The following UNC5D variants were observed in gnomAD, a reference collection of about 807,000 sequenced individuals.
UNC5D encodes the protein unc-5 netrin receptor D.
In UNC5D, 39 loss-of-function variants were observed where a neutral mutation model predicts 105.4. The observed-to-expected ratio is 0.37, with a 90% CI of 0.29 to 0.48. The LOEUF (loss-of-function observed/expected upper bound fraction) is 0.48. UNC5D is among the 20% of genes least tolerant of loss of function. UNC5D has a pLI of 0.98. For synonymous variants in UNC5D, 452 were observed against 450.4 expected (o/e 1.00, Z -0.04); for missense variants, 991 against 1,202.4 (o/e 0.82, Z 2.60).
At chr8:35,640,928 C>G (rs1449695275) in intron 4 of UNC5D, among the ~76,000 whole-genome samples, 1 of 150,948 alleles carries the variant, frequency 6.6e-6, no homozygotes, top group African/African-American at 2.4e-5. Context: ...TCCTCCTCTC[C>G]TCTCTCTCTC....
At chr8:35,483,496 C>G (rs185859356) in intron 1 of UNC5D, among the ~76,000 whole-genome samples, 64 of 152,252 alleles carry the variant, frequency 4.2e-4, no homozygotes, top group African/African-American at 1.5e-3. Flanking sequence ...CTGAAGCATA[C>G]TATAGATTAG....
At chr8:35,238,025 GGATTAGCCCTA>G (rs2128798332) in intron 1 of UNC5D, among the ~76,000 whole-genome samples, 1 of 152,238 alleles carries the variant, frequency 6.6e-6, no homozygotes, top group African/African-American at 2.4e-5. Context: ...ATACTCTCTA[GGATTAGCCCTA>G]GGTTGTTCTT....
At chr8:35,319,076 C>A (rs935707607) in intron 1 of UNC5D, among the ~76,000 whole-genome samples, 50 of 152,206 alleles carry the variant, frequency 3.3e-4, no homozygotes, top group African/African-American at 1.1e-3. Context: ...AACATTCATA[C>A]CCATATGTTG....
chr8:35,384,894 A>G (rs2128935394), intron 1 of UNC5D, among the ~76,000 whole-genome samples: 1 of 152,316 alleles, frequency 6.6e-6, no homozygotes, highest in East Asian at 1.9e-4. Context: ...TTGTGGGACT[A>G]AACTTTGGAA....
intron 1 of UNC5D, among the ~76,000 whole-genome samples, chr8:35,283,769 A>G (rs1806377636): frequency 6.7e-6 from 1 of 149,652 alleles, no homozygotes; most frequent in African/African-American, 2.5e-5. Flanking sequence ...GCGCCACTAC[A>G]CTCCAACCTA....
At chr8:35,719,635 G>A (rs1046330022) in intron 8 of UNC5D, among the ~76,000 whole-genome samples, 10 of 152,186 alleles carry the variant, frequency 6.6e-5, no homozygotes, top group Admixed American at 1.3e-4. Context: ...TAGGAGCCAC[G>A]TGTTAATTCA....
intron 1 of UNC5D, among the ~76,000 whole-genome samples, chr8:35,388,606 A>G (rs898993782): frequency 2.6e-5 from 4 of 152,216 alleles, no homozygotes; most frequent in Non-Finnish European, 4.4e-5. Context: ...AGTACATAGT[A>G]TGGTTGTAGA....
intron 1 of UNC5D, among the ~76,000 whole-genome samples, chr8:35,535,405 G>A (rs1260369310): frequency 2.0e-5 from 3 of 151,082 alleles, no homozygotes; most frequent in Non-Finnish European, 4.4e-5. Context: ...GCTCAGATAT[G>A]TAATAGGCTT....
At chr8:35,775,583 A>G (rs939671511) in intron 16 of UNC5D, among the ~76,000 whole-genome samples, 2 of 151,348 alleles carry the variant, frequency 1.3e-5, no homozygotes, top group Admixed American at 6.6e-5. Context: ...GAACCATTTT[A>G]TTTCTCTTTC....
At chr8:35,636,303 A>G (rs2131104476) in intron 4 of UNC5D, among the ~76,000 whole-genome samples, 1 of 152,212 alleles carries the variant, frequency 6.6e-6, no homozygotes, top group East Asian at 1.9e-4. Flanking sequence ...ATGGCCTAAA[A>G]TTAAACAACA....
At chr8:35,708,494 A>G (rs1276236009) in intron 8 of UNC5D, among the ~76,000 whole-genome samples, 1 of 152,222 alleles carries the variant, frequency 6.6e-6, no homozygotes, top group Non-Finnish European at 1.5e-5. Context: ...GCTTTCAATA[A>G]ATGTTGTGTA....
At chr8:35,597,508 A>G (rs1321923724) in intron 4 of UNC5D, among the ~76,000 whole-genome samples, 1 of 152,140 alleles carries the variant, frequency 6.6e-6, no homozygotes, top group Non-Finnish European at 1.5e-5. Context: ...ATCCCAGTTT[A>G]CAAATGTTTT....
chr8:35,420,133 G>A (rs1258499962), intron 1 of UNC5D, among the ~76,000 whole-genome samples: 1 of 152,180 alleles, frequency 6.6e-6, no homozygotes, highest in Non-Finnish European at 1.5e-5. Flanking sequence ...TTTCACCAGG[G>A]ACCTGTGCCT....
At chr8:35,571,099 C>T (rs796153859) in intron 3 of UNC5D, among the ~76,000 whole-genome samples, 6 of 152,230 alleles carry the variant, frequency 3.9e-5, no homozygotes, top group African/African-American at 1.4e-4. Context: ...AGTTTTTTCT[C>T]CTCAGCCTCC....
intron 1 of UNC5D, among the ~76,000 whole-genome samples, chr8:35,268,795 G>A (rs542608601): frequency 7.4e-4 from 113 of 152,164 alleles, no homozygotes; most frequent in African/African-American, 2.5e-3. Context: ...CTGCCTTAAG[G>A]ATGAGGAATA....
intron 1 of UNC5D, among the ~76,000 whole-genome samples, chr8:35,452,848 C>A (rs1205154310): frequency 6.6e-6 from 1 of 152,166 alleles, no homozygotes; most frequent in African/African-American, 2.4e-5. Flanking sequence ...AGATAACAGA[C>A]TTACGGTCTC....
At chr8:35,628,803 T>C (rs1485360376) in intron 4 of UNC5D, among the ~76,000 whole-genome samples, 2 of 152,218 alleles carry the variant, frequency 1.3e-5, no homozygotes, top group African/African-American at 4.8e-5. Context: ...CTCTCAGTGA[T>C]ACACTAATTA....
At chr8:35,530,096 G>A (rs1426512673) in intron 1 of UNC5D, among the ~76,000 whole-genome samples, 10 of 151,958 alleles carry the variant, frequency 6.6e-5, no homozygotes, top group Non-Finnish European at 1.2e-4. Flanking sequence ...AATAGGAGTG[G>A]TGAGAGAGGG....
At position 35,298,353 on chromosome 8, in the gene UNC5D, T is replaced by C. The variant is rs977211334; in HGVS notation, c.103+62466T>C. 2.3e-4 allele frequency among the ~76,000 whole-genome samples: 35 copies of C among 152,192 alleles called. 1 individual carries two copies. The highest frequency in any genetic ancestry group is 8.2e-4 in the African/African-American group (34 of 41,450). ...GGCTCTGAGCCTCTTTTTGTGTTTT[T>C]ATAAACAACTGTGTTTAGTTCTACT... is the stretch of plus-strand genomic sequence containing the variant. On this transcript the variant is annotated intron_variant, in intron 1 of 16. Transcript: ENST00000404895.
Sources: gnomAD v4.1 joint callset for allele counts (sites outside exome capture counted in the v4.1 genomes callset) on GRCh38, gnomAD v4.1.1 for gene constraint, MANE v1.5 for transcripts, NCBI Gene and HGNC (gene_info 2026-07-23, HGNC 2026-07-21) for gene names.